RCAN1: variants seen among roughly 807,000 people sequenced by gnomAD.
RCAN1 encodes regulator of calcineurin 1, also known as calcipressin-1.
Under a neutral mutation model 22.9 loss-of-function variants are expected in RCAN1, and 11 were observed. The observed-to-expected ratio is 0.48, with a 90% confidence interval of 0.30 to 0.79. RCAN1 has a LOEUF of 0.79. RCAN1 is among the 30% of genes least tolerant of loss of function. RCAN1 has a pLI of 0.06. For synonymous variants in RCAN1, 136 were observed against 142.3 expected, an observed-to-expected ratio of 0.96 and a Z score of 0.32; for missense variants, 291 against 337.8, an observed-to-expected ratio of 0.86 and a Z score of 1.09.
chr21:34,551,836 G>A (rs953539706), intron 1 of RCAN1, among the ~76,000 whole-genome samples: 1 of 152,164 alleles, frequency 6.6e-6, no homozygotes, highest in African/African-American at 2.4e-5. Flanking sequence ...GCGATCATGG[G>A]TCCCAGGGGA....
chr21:34,520,171 G>A (rs1310733633), intron 3 of RCAN1, among the ~76,000 whole-genome samples: 1 of 152,268 alleles, frequency 6.6e-6, no homozygotes, highest in Admixed American at 6.5e-5. Context: ...AGGACAAACT[G>A]ATTTTATTAC....
At chr21:34,538,931 T>C (rs1443412353) in intron 1 of RCAN1, among the ~76,000 whole-genome samples, 1 of 152,154 alleles carries the variant, frequency 6.6e-6, no homozygotes, top group Admixed American at 6.5e-5. Flanking sequence ...ATTAGAAGGC[T>C]CCAGACTTGC....
At chr21:34,581,838 T>C (rs1270694211) in intron 1 of RCAN1, among the ~76,000 whole-genome samples, 2 of 152,202 alleles carry the variant, frequency 1.3e-5, no homozygotes, top group African/African-American at 4.8e-5. Context: ...TCCCACGGGC[T>C]CTACAGTACT....
chr21:34,560,972 G>C (rs1986769196), intron 1 of RCAN1, among the ~76,000 whole-genome samples: 1 of 152,180 alleles, frequency 6.6e-6, no homozygotes, highest in African/African-American at 2.4e-5. Context: ...GGTGGGACCA[G>C]GTGGAGGTAA....
Position 34,553,786 on chromosome 21 carries a change from C to A in RCAN1, c.253-30076G>T, listed in dbSNP as rs139618708. Among the ~76,000 whole-genome samples the A allele has an allele frequency of 4.3e-3, 650 of 152,288 alleles. 3 individuals are homozygous for A. Among genetic ancestry groups the A allele is most frequent in the African/African-American group, 0.015 (623 of 41,544 alleles). ...CACTGAGTTCATTCCAGAGTCAGCT[C>A]TACTTGTGATGAAACAAATAACCTA... is the stretch of plus-strand genomic sequence containing the variant. On this transcript the variant is annotated intron_variant, in intron 1 of 3. Coordinates refer to ENST00000313806, the MANE Select transcript of RCAN1 (RefSeq NM_004414.7).
chr21:34,559,542 G>A (rs551331478), intron 1 of RCAN1: 1 of 152,172 alleles, frequency 6.6e-6, no homozygotes, highest in Non-Finnish European at 1.5e-5. Context: ...TTGTTTCGGT[G>A]GATTGAGTCA....
intron 1 of RCAN1, among the ~76,000 whole-genome samples, chr21:34,581,111 A>T (rs1325058942): frequency 2.0e-5 from 3 of 152,184 alleles, no homozygotes; most frequent in Admixed American, 2.0e-4. Flanking sequence ...TCTACAGGGA[A>T]AACCACTGAA....
At chr21:34,608,503 G>A (rs115005914) in intron 1 of RCAN1, among the ~76,000 whole-genome samples, 3,191 of 152,250 alleles carry the variant, frequency 0.021, 104 homozygotes, top group African/African-American at 0.073. Context: ...CCACCCTATG[G>A]AGAGGGTGCA....
chr21:34,595,456 C>T (rs1401222836), intron 1 of RCAN1, among the ~76,000 whole-genome samples: 1 of 152,128 alleles, frequency 6.6e-6, no homozygotes, highest in Non-Finnish European at 1.5e-5. Flanking sequence ...CTGAATCAAG[C>T]TAAGTTTGAC....
chr21:34,541,750 C>T (rs1049328635), intron 1 of RCAN1, among the ~76,000 whole-genome samples: 8 of 152,080 alleles, frequency 5.3e-5, no homozygotes, highest in Non-Finnish European at 1.2e-4. Context: ...CTGGCTAACA[C>T]GGTGAAACAC....
chr21:34,587,626 T>C (rs901171297), intron 1 of RCAN1, among the ~76,000 whole-genome samples: 2 of 152,148 alleles, frequency 1.3e-5, no homozygotes, highest in African/African-American at 2.4e-5. Flanking sequence ...TTAAAATACA[T>C]GTAGGAGATT....
At chr21:34,563,941 G>C (rs1047342111) in intron 1 of RCAN1, among the ~76,000 whole-genome samples, 2 of 151,292 alleles carry the variant, frequency 1.3e-5, no homozygotes, top group East Asian at 3.9e-4. Flanking sequence ...ACTCTAGCGT[G>C]GGCGACAGAG....
At chr21:34,544,126 T>C (rs1318152197) in intron 1 of RCAN1, among the ~76,000 whole-genome samples, 2 of 152,264 alleles carry the variant, frequency 1.3e-5, no homozygotes, top group Admixed American at 1.3e-4. Flanking sequence ...GCCAGAATTC[T>C]TGCCCTACCT....
At chr21:34,581,170 T>C (rs1203902860) in intron 1 of RCAN1, among the ~76,000 whole-genome samples, 1 of 78,356 alleles carries the variant, frequency 1.3e-5, no homozygotes, top group Admixed American at 1.4e-4. Flanking sequence ...TTTTCACTTC[T>C]CTAATAACTT....
chr21:34,567,369 T>A (rs1987061547), intron 1 of RCAN1, among the ~76,000 whole-genome samples: 1 of 151,956 alleles, frequency 6.6e-6, no homozygotes, highest in African/African-American at 2.4e-5. Flanking sequence ...GGGGGGCACA[T>A]GCCTGTAGTC....
At chr21:34,543,541 T>A (rs1387485633) in intron 1 of RCAN1, among the ~76,000 whole-genome samples, 1 of 152,240 alleles carries the variant, frequency 6.6e-6, no homozygotes, top group Non-Finnish European at 1.5e-5. Flanking sequence ...CAGTCATAAA[T>A]CTGTGCTGTT....
chr21:34,592,350 C>G (rs1207439518), intron 1 of RCAN1, among the ~76,000 whole-genome samples: 3 of 152,188 alleles, frequency 2.0e-5, no homozygotes, highest in Non-Finnish European at 4.4e-5. Context: ...CCGCCACACG[C>G]CCACACCCTT....
At chr21:34,568,504 C>T (rs188878524) in intron 1 of RCAN1, among the ~76,000 whole-genome samples, 66 of 152,328 alleles carry the variant, frequency 4.3e-4, no homozygotes, top group Admixed American at 2.6e-3. Flanking sequence ...CAGCGATGCC[C>T]GGAGTCACGG....
chr21:34,554,517 G>A (rs1986484391), intron 1 of RCAN1, among the ~76,000 whole-genome samples: 1 of 152,182 alleles, frequency 6.6e-6, no homozygotes, highest in Admixed American at 6.5e-5. Context: ...GCCAGGGATG[G>A]TGCTTTTAAC....
Sources: allele counts gnomAD v4.1 joint callset (sites outside exome capture counted in the v4.1 genomes callset), GRCh38; gene constraint gnomAD v4.1.1; transcripts MANE v1.5; gene names NCBI Gene and HGNC (gene_info 2026-07-23, HGNC 2026-07-21).